Variants in CACNA2D3 observed in about 807,000 individuals in gnomAD.
CACNA2D3 encodes calcium voltage-gated channel auxiliary subunit alpha2delta 3, also known as voltage-dependent calcium channel subunit alpha-2/delta-3.
In CACNA2D3, 60 loss-of-function variants were observed where a neutral mutation model predicts 160.6. That is an observed-to-expected ratio of 0.37 (90% CI 0.30 to 0.46). The LOEUF (loss-of-function observed/expected upper bound fraction) is 0.46. CACNA2D3 is among the 20% of genes least tolerant of loss of function. The pLI is 1.00. For missense variants in CACNA2D3, 1,205 were observed against 1,365.0 expected (o/e 0.88, Z 1.85); for synonymous variants, 558 against 492.9 (o/e 1.13, Z -1.75).
At chr3:54,808,931 C>T (rs780647727) in intron 13 of CACNA2D3, among the ~76,000 whole-genome samples, 7 of 152,044 alleles carry the variant, frequency 4.6e-5, no homozygotes, top group African/African-American at 7.2e-5. Context: ...CTGGAGGTTA[C>T]GAAATCAAAG....
chr3:54,171,470 G>A (rs1181036858), intron 2 of CACNA2D3, among the ~76,000 whole-genome samples: 1 of 151,974 alleles, frequency 6.6e-6, no homozygotes, highest in Non-Finnish European at 1.5e-5. Context: ...AGGGCATGTT[G>A]TTTATAAACA....
At chr3:54,774,234 A>C (rs796261627) in intron 13 of CACNA2D3, among the ~76,000 whole-genome samples, 6 of 152,312 alleles carry the variant, frequency 3.9e-5, no homozygotes, top group African/African-American at 1.4e-4. Flanking sequence ...ATAAAGAACT[A>C]CCCGAGACTG....
intron 13 of CACNA2D3, among the ~76,000 whole-genome samples, chr3:54,810,340 A>T (rs969399325): frequency 2.0e-5 from 3 of 152,172 alleles, no homozygotes; most frequent in African/African-American, 7.2e-5. Context: ...AAGTGGAAGG[A>T]TGTGAGACAA....
At chr3:54,562,022 G>C (rs1262890907) in intron 5 of CACNA2D3, among the ~76,000 whole-genome samples, 1 of 152,166 alleles carries the variant, frequency 6.6e-6, no homozygotes, top group Non-Finnish European at 1.5e-5. Context: ...GAACAGCACA[G>C]GAAAGACCTG....
intron 3 of CACNA2D3, among the ~76,000 whole-genome samples, chr3:54,381,015 G>A (rs1442493958): frequency 1.3e-5 from 2 of 152,050 alleles, no homozygotes; most frequent in Non-Finnish European, 2.9e-5. Flanking sequence ...AACCTTATTT[G>A]AGAAAGAATT....
At chr3:54,270,410 CCCA>C (rs1702599200) in intron 2 of CACNA2D3, among the ~76,000 whole-genome samples, 12 of 152,132 alleles carry the variant, frequency 7.9e-5, no homozygotes, top group Admixed American at 7.9e-4. Flanking sequence ...TTGAATATAC[CCCA>C]CGAGTTGGCT....
intron 11 of CACNA2D3, among the ~76,000 whole-genome samples, chr3:54,650,393 G>A (rs1229622098): frequency 6.6e-6 from 1 of 151,734 alleles, no homozygotes; most frequent in Admixed American, 6.6e-5. Flanking sequence ...ACAGAGTCTT[G>A]CTGTGTTGCC....
intron 14 of CACNA2D3, among the ~76,000 whole-genome samples, chr3:54,827,793 A>G (rs1050784263): frequency 1.3e-5 from 2 of 152,240 alleles, no homozygotes; most frequent in Non-Finnish European, 2.9e-5. Flanking sequence ...TGTGAAATAA[A>G]TTAAACGATA....
At chr3:54,405,721 C>G (rs955416858) in intron 4 of CACNA2D3, among the ~76,000 whole-genome samples, 7 of 151,926 alleles carry the variant, frequency 4.6e-5, no homozygotes, top group African/African-American at 1.5e-4. Context: ...ATAAATGGGA[C>G]TACATCAAAC....
chr3:54,582,832 TGAGGAAGTGAGCAACA>T (rs1203816224), intron 9 of CACNA2D3, among the ~76,000 whole-genome samples: 1 of 152,186 alleles, frequency 6.6e-6, no homozygotes, highest in East Asian at 1.9e-4. Flanking sequence ...TAGGTATGTT[TGAGGAAGTGAGCAACA>T]GAGGATTGGG....
At chr3:54,561,174 C>T (rs2106703639) in intron 5 of CACNA2D3, among the ~76,000 whole-genome samples, 1 of 152,260 alleles carries the variant, frequency 6.6e-6, no homozygotes, top group South Asian at 2.1e-4. Context: ...GGCAGTATGA[C>T]CATTTTAACA....
intron 4 of CACNA2D3, among the ~76,000 whole-genome samples, chr3:54,409,185 T>C (rs1323319080): frequency 2.6e-5 from 4 of 152,220 alleles, no homozygotes; most frequent in Non-Finnish European, 4.4e-5. Context: ...CAACAGCACA[T>C]GCTCACGTCA....
Position 54,562,475 on chromosome 3 carries a change from G to T in CACNA2D3, c.545-325G>T, listed in dbSNP as rs536892155. ...AAAAGCAGGAAAATAATGCTAATAA[G>T]GTCTCTCTCTGCTTTCTTAAAGAGG... On this transcript the variant is annotated intron_variant, in intron 5 of 37. Transcript: ENST00000474759. Among the ~76,000 whole-genome samples the T allele has an allele frequency of 5.9e-5, 9 of 152,204 alleles. No homozygotes were observed. In the East Asian group the frequency reaches 1.2e-3, roughly 20 times the overall value.
chr3:54,772,153 C>G (rs1702332907), intron 13 of CACNA2D3, among the ~76,000 whole-genome samples: 1 of 148,256 alleles, frequency 6.7e-6, no homozygotes, highest in South Asian at 2.2e-4. Context: ...TGTTGATTAT[C>G]TAGTATGTTT....
At chr3:54,448,640 C>T (rs1700258820) in intron 4 of CACNA2D3, among the ~76,000 whole-genome samples, 1 of 152,208 alleles carries the variant, frequency 6.6e-6, no homozygotes, top group Non-Finnish European at 1.5e-5. Context: ...CAGCAGCCTT[C>T]ATGTTCTCAT....
chr3:54,815,655 A>G (rs1340435571), intron 13 of CACNA2D3, among the ~76,000 whole-genome samples: 2 of 152,214 alleles, frequency 1.3e-5, no homozygotes, highest in Non-Finnish European at 2.9e-5. Context: ...AGTATGTTCT[A>G]AAGTCAGGCA....
intron 2 of CACNA2D3, among the ~76,000 whole-genome samples, chr3:54,224,940 CTTT>C (rs58653320): frequency 1.6e-5 from 2 of 128,006 alleles, no homozygotes; most frequent in Admixed American, 8.1e-5. Flanking sequence ...GACTGAATAT[CTTT>C]TTTTTTTTTT....
rs117756448 is a variant in CACNA2D3 at position 54,908,500 on chromosome 3, G to C, written c.2449+8632G>C. 6.7e-3 allele frequency among the ~76,000 whole-genome samples: 1,020 copies of C among 152,298 alleles called. 62 individuals are homozygous for C. The East Asian group carries it at 0.15, about 23-fold the overall frequency. ...GGAGGCTGAGTCAGGTAGATTGCTT[G>C]AACCTAGGAGTTCAAGACCAGCCTG... On this transcript the variant is annotated intron_variant, in intron 27 of 37. Coordinates refer to ENST00000474759, the MANE Select transcript of CACNA2D3 (RefSeq NM_018398.3).
chr3:54,868,640 G>T (rs1699456805), intron 17 of CACNA2D3, among the ~76,000 whole-genome samples: 1 of 151,946 alleles, frequency 6.6e-6, no homozygotes, highest in African/African-American at 2.4e-5. Flanking sequence ...TGAATTTTCG[G>T]CCAGGAGAGT....
Sources: gnomAD v4.1 joint callset for allele counts (sites outside exome capture counted in the v4.1 genomes callset) on GRCh38, gnomAD v4.1.1 for gene constraint, MANE v1.5 for transcripts, NCBI Gene and HGNC (gene_info 2026-07-23, HGNC 2026-07-21) for gene names.